SP2: variants seen among roughly 807,000 people sequenced by gnomAD.
The protein encoded by SP2 is transcription factor Sp2.
Under a neutral mutation model 50.1 loss-of-function variants are expected in SP2, and 9 were observed. The observed-to-expected ratio is 0.18, with a 90% CI of 0.11 to 0.31. The LOEUF (loss-of-function observed/expected upper bound fraction) is 0.31. Among genes scored for constraint, SP2 ranks in the 10% least tolerant of loss-of-function variants. SP2 has a pLI of 1.00. For missense variants in SP2, 581 were observed against 806.5 expected (o/e 0.72, Z 3.39); for synonymous variants, 313 against 326.6 (o/e 0.96, Z 0.45).
Position 47,927,777 on chromosome 17 carries a change from C to T in SP2, c.1795C>T (p.His599Tyr). The T allele has an allele frequency of 6.3e-7, 1 of 1,599,550 alleles. No homozygotes were observed. ...TCAGAAGCGCTTCATGAGGAGTGAC[C>T]ACCTCACCAAGCATTACAAGACCCA... is the stretch of plus-strand genomic sequence containing the variant. ...QCQKRFMRSD[H>Y]LTKHYKTHLV... Residue 599 changes from histidine to tyrosine, a missense_variant, in exon 7 of 7, where the codon CAC becomes TAC. By Grantham distance (83) the His-to-Tyr change is moderately conservative. Transcript: ENST00000376741.
intron 1 of SP2, among the ~76,000 whole-genome samples, chr17:47,901,510 G>A (rs2034542869): frequency 6.6e-6 from 1 of 152,200 alleles, no homozygotes; most frequent in Admixed American, 6.5e-5. Context: ...CCAGGCTGGA[G>A]TGCAGTGGTG....
chr17:47,914,838 T>C (rs1479969357), intron 1 of SP2: 1 of 152,536 alleles, frequency 6.6e-6, no homozygotes, highest in Non-Finnish European at 1.5e-5. Flanking sequence ...CTGAAATAGA[T>C]GTAAGGCTAT....
At chr17:47,907,273 C>T (rs973673882) in intron 1 of SP2, among the ~76,000 whole-genome samples, 3 of 151,968 alleles carry the variant, frequency 2.0e-5, no homozygotes, top group Admixed American at 6.6e-5. Flanking sequence ...GAGGTAGAGG[C>T]GGATGATCAG....
Position 47,896,282 on chromosome 17 carries a change from T to C in SP2, c.-5T>C. ...GCGGCGGAGGCCAGGGAGGAAGATG[T>C]CGTAATGAGCGGTGGGTCCCGGCCG... On this transcript the variant is annotated 5_prime_UTR_variant, in exon 1 of 7. Transcript: ENST00000376741. 8.1e-7 allele frequency: 1 copy of C among 1,239,670 alleles called. No homozygotes were observed. Among genetic ancestry groups the C allele is most frequent in the South Asian group, 4.1e-5 (1 of 24,546 alleles). The allele number at this position is 1,239,670 out of a possible 1,614,324, so 76.8% of individuals were successfully genotyped here.
rs900780696 is a variant in SP2 at position 47,915,156 on chromosome 17, T to G, written c.8-156T>G. On this transcript the variant is annotated intron_variant, in intron 1 of 6. Coordinates refer to ENST00000376741, the MANE Select transcript of SP2 (RefSeq NM_003110.6). Reference sequence around the variant, plus strand: ...TGAACTTGGAAGGGGGAGGTTGCCGTGAGCCTAGATCATGCCACTACACTC... The same window carrying G: ...TGAACTTGGAAGGGGGAGGTTGCCGGGAGCCTAGATCATGCCACTACACTC... Among the ~76,000 whole-genome samples the G allele has an allele frequency of 3.3e-5, 5 of 150,584 alleles. No individual in the cohort carries two copies. The Admixed American group carries it at 3.3e-4, about 10-fold the overall frequency.
In SP2 at chr17:47,896,312, C is replaced by A. The variant is rs746285052; in HGVS notation, c.7+19C>A. ...ATGAGCGGTGGGTCCCGGCCGCTGCCGGCGGGGTCTTCCCGGCCCCCAAGG... is the reference window on the plus strand; with the variant it reads ...ATGAGCGGTGGGTCCCGGCCGCTGCAGGCGGGGTCTTCCCGGCCCCCAAGG... On this transcript the variant is annotated intron_variant, in intron 1 of 6. Coordinates refer to ENST00000376741, the MANE Select transcript of SP2 (RefSeq NM_003110.6). 6.5e-6 allele frequency: 8 copies of A among 1,236,922 alleles called. No homozygotes were observed. The East Asian group carries it at 1.9e-4, about 29-fold the overall frequency. The allele number at this position is 1,236,922 out of a possible 1,614,324, so 76.6% of individuals were successfully genotyped here.
At chr17:47,901,069 C>A (rs1277425682) in intron 1 of SP2, among the ~76,000 whole-genome samples, 1 of 151,944 alleles carries the variant, frequency 6.6e-6, no homozygotes, top group Non-Finnish European at 1.5e-5. Context: ...TGCAAACTAG[C>A]AAATGACAGT....
Position 47,915,665 on chromosome 17 carries a change from G to A in SP2, c.84+277G>A, listed in dbSNP as rs375593160. On this transcript the variant is annotated intron_variant, in intron 2 of 6. Coordinates refer to ENST00000376741, the MANE Select transcript of SP2 (RefSeq NM_003110.6). ...CAGAGGCTTTCTCATTGTCTCGAAAGTGTAGCCCTCCCCAGTCTATAAAGT... is the reference window on the plus strand; with the variant it reads ...CAGAGGCTTTCTCATTGTCTCGAAAATGTAGCCCTCCCCAGTCTATAAAGT... Among the ~76,000 whole-genome samples the A allele has an allele frequency of 1.1e-3, 166 of 152,276 alleles. 1 individual carries two copies. The highest frequency in any genetic ancestry group is 1.9e-3 in the Non-Finnish European group (129 of 68,034).
At chr17:47,913,829 A>G (rs1394899792) in intron 1 of SP2, among the ~76,000 whole-genome samples, 2 of 152,360 alleles carry the variant, frequency 1.3e-5, no homozygotes, top group Admixed American at 1.3e-4. Context: ...GAAAAAGTAC[A>G]GAAAACCAAG....
At chr17:47,919,397 C>A (rs1200649979) in intron 3 of SP2, among the ~76,000 whole-genome samples, 1 of 151,858 alleles carries the variant, frequency 6.6e-6, no homozygotes, top group Non-Finnish European at 1.5e-5. Flanking sequence ...GTGACAGAGA[C>A]CCTGTCTCTA....
intron 3 of SP2, 25 bp from the exon 4 acceptor site, chr17:47,922,937 A>ATTTT: frequency 1.3e-6 from 2 of 1,589,648 alleles, no homozygotes; most frequent in Admixed American, 1.7e-5. Context: ...CCAGGCACTG[A>ATTTT]TTTTTTTTCT....
chr17:47,923,133 C>T lies in SP2; in HGVS notation c.1231C>T (p.Pro411Ser). Residue 411 changes from proline to serine, a missense_variant, in exon 4 of 7, where the codon CCC becomes TCC. Pro to Ser is a moderately conservative substitution (Grantham distance 74). Transcript: ENST00000376741. The part of the protein sequence containing the change: ...HSAAILRKER[P>S]LPKIAPAGSI... ...AGCTGCAATTCTCCGAAAAGAGCGTCCCCTGCCAAAGATTGCCCCAGCCGG... is the reference window on the plus strand; with the variant it reads ...AGCTGCAATTCTCCGAAAAGAGCGTTCCCTGCCAAAGATTGCCCCAGCCGG... 1.2e-6 allele frequency: 2 copies of T among 1,614,262 alleles called. No homozygotes were observed. Among genetic ancestry groups the T allele is most frequent in the Non-Finnish European group, 8.5e-7 (1 of 1,180,054 alleles).
chr17:47,917,295 T>C (rs554211287), intron 3 of SP2, among the ~76,000 whole-genome samples, 165 bp downstream of exon 3: 1 of 152,352 alleles, frequency 6.6e-6, no homozygotes, highest in African/African-American at 2.4e-5. Context: ...TGGGCTCTCT[T>C]TAGTTCATAG....
At chr17:47,904,570 G>C (rs111994792) in intron 1 of SP2, among the ~76,000 whole-genome samples, 2,185 of 151,980 alleles carry the variant, frequency 0.014, 47 homozygotes, top group African/African-American at 0.047. Flanking sequence ...ATGGCGGAGT[G>C]GGGGGAGATG....
At chr17:47,908,464 C>A (rs1358813674) in intron 1 of SP2, 3 of 152,136 alleles carry the variant, frequency 2.0e-5, no homozygotes, top group African/African-American at 4.8e-5. Context: ...GCAACAAACT[C>A]ATCTTGTATT....
chr17:47,925,151 T>C, intron 5 of SP2, 58 bp downstream of exon 5: 1 of 1,537,018 alleles, frequency 6.5e-7, no homozygotes, highest in East Asian at 2.3e-5. Flanking sequence ...AAGCCCCTCC[T>C]GGACAGTTGT....
chr17:47,917,532 A>G (rs978772656), intron 3 of SP2, among the ~76,000 whole-genome samples: 2 of 152,172 alleles, frequency 1.3e-5, no homozygotes, highest in African/African-American at 2.4e-5. Flanking sequence ...GCTGATCATT[A>G]TTAATGACAA....
At chr17:47,905,805 A>G (rs375105850) in intron 1 of SP2, among the ~76,000 whole-genome samples, 6 of 152,228 alleles carry the variant, frequency 3.9e-5, no homozygotes, top group Admixed American at 1.3e-4. Flanking sequence ...GGAGGAGGTC[A>G]GGAAAGGCTT....
intron 1 of SP2, among the ~76,000 whole-genome samples, chr17:47,910,242 T>C (rs1215086214): frequency 6.6e-6 from 1 of 152,182 alleles, no homozygotes; most frequent in Non-Finnish European, 1.5e-5. Flanking sequence ...AAAACCAATT[T>C]AGTGGGTCAC....
Sources: gnomAD v4.1 joint callset for allele counts (sites outside exome capture counted in the v4.1 genomes callset) on GRCh38, gnomAD v4.1.1 for gene constraint, MANE v1.5 for transcripts, NCBI Gene and HGNC (gene_info 2026-07-23, HGNC 2026-07-21) for gene names.